The following SPECC1 variants were observed in gnomAD, a reference collection of about 807,000 sequenced individuals.
SPECC1 encodes the protein sperm antigen with calponin homology and coiled-coil domains 1, also known as cytospin-B.
SPECC1 carries 62 observed loss-of-function variants against 104.1 expected under a neutral mutation model. That is an observed-to-expected ratio of 0.60 (90% CI 0.49 to 0.74). SPECC1 has a LOEUF of 0.74. Ranked by LOEUF, SPECC1 falls within the 30% of genes least tolerant of loss-of-function variation. SPECC1 has a pLI of 0.00. For missense variants in SPECC1, 1,306 were observed against 1,310.5 expected (o/e 1.00, Z 0.05); for synonymous variants, 513 against 501.6 (o/e 1.02, Z -0.30).
At chr17:20,262,095 G>A (rs1303281806) in intron 12 of SPECC1, among the ~76,000 whole-genome samples, 2 of 152,066 alleles carry the variant, frequency 1.3e-5, no homozygotes, top group Admixed American at 6.5e-5. Context: ...TTTTTTACAC[G>A]GTATTGAGTC....
chr17:20,129,191 G>GTT (rs534899612), intron 3 of SPECC1, among the ~76,000 whole-genome samples: 3 of 126,860 alleles, frequency 2.4e-5, no homozygotes, highest in East Asian at 2.4e-4. Flanking sequence ...GTTTTTTTTT[G>GTT]TTTTTTTTTT....
intron 1 of SPECC1, among the ~76,000 whole-genome samples, chr17:20,030,191 TA>T (rs1285369357): frequency 6.6e-6 from 1 of 151,584 alleles, no homozygotes; most frequent in Non-Finnish European, 1.5e-5. Context: ...TTATTTTATT[TA>T]TTTTTTTACT....
rs559355436 is a variant in SPECC1 at position 20,143,385 on chromosome 17, C to CAAA, written c.283+32837_283+32839dup. 7.9e-3 allele frequency among the ~76,000 whole-genome samples: 838 copies of CAAA among 106,354 alleles called. 9 individuals are homozygous for CAAA. The highest frequency in any genetic ancestry group is 0.027 in the African/African-American group (789 of 29,036). The allele number at this position is 106,354 out of a possible 152,430, so 69.8% of individuals were successfully genotyped here. On this transcript the variant is annotated intron_variant, in intron 3 of 14. Transcript: ENST00000395527. ...TGGGTAACAGAGCAAGATCAAGTTT[C>CAAA]AAAAAAAAAAAAAAAAGTCCGAGCG...
At chr17:20,261,614 C>T (rs2040029632) in intron 12 of SPECC1, among the ~76,000 whole-genome samples, 1 of 151,814 alleles carries the variant, frequency 6.6e-6, no homozygotes, top group Admixed American at 6.6e-5. Flanking sequence ...TTGCCTAATT[C>T]GCATAAAGGT....
chr17:20,121,269 A>C (rs4925087), intron 3 of SPECC1, among the ~76,000 whole-genome samples: 86,036 of 151,990 alleles, frequency 0.57, 24,936 homozygotes, highest in Middle Eastern at 0.62. Context: ...CGTGCCCACC[A>C]CAGGTTTCCA....
At chr17:20,188,227 T>C (rs2035408724) in intron 3 of SPECC1, among the ~76,000 whole-genome samples, 1 of 151,488 alleles carries the variant, frequency 6.6e-6, no homozygotes, top group Admixed American at 6.6e-5. Context: ...TAACGTGATT[T>C]TGTATTTCCT....
intron 1 of SPECC1, chr17:20,056,586 T>C: frequency 4.8e-6 from 1 of 207,098 alleles, no homozygotes; most frequent in South Asian, 9.7e-5. Flanking sequence ...TCCCAATAAA[T>C]AGAGTAAGTT....
intron 12 of SPECC1, among the ~76,000 whole-genome samples, chr17:20,268,710 A>ATTT (rs1385386478): frequency 2.6e-5 from 4 of 152,302 alleles, no homozygotes; most frequent in African/African-American, 9.6e-5. Context: ...TTTCAGTGGC[A>ATTT]CAGGTGTTGT....
At chr17:20,118,328 A>G (rs2048865443) in intron 3 of SPECC1, among the ~76,000 whole-genome samples, 1 of 152,204 alleles carries the variant, frequency 6.6e-6, no homozygotes, top group Admixed American at 6.5e-5. Flanking sequence ...CTTAACGGTT[A>G]CTGATATTCT....
intron 2 of SPECC1, among the ~76,000 whole-genome samples, chr17:20,106,643 A>G (rs2048211495): frequency 6.6e-6 from 1 of 152,108 alleles, no homozygotes; most frequent in Non-Finnish European, 1.5e-5. Context: ...TCCCCTGCAC[A>G]TGCTCTCTCT....
chr17:20,170,678 T>G (rs1315637029), intron 3 of SPECC1, among the ~76,000 whole-genome samples: 1 of 152,006 alleles, frequency 6.6e-6, no homozygotes, highest in African/African-American at 2.4e-5. Flanking sequence ...TCTCTGTTAT[T>G]TTTCCTTTTT....
chr17:20,016,217 CAAAAAAAA>C (rs71157853), intron 1 of SPECC1, among the ~76,000 whole-genome samples: 2 of 104,050 alleles, frequency 1.9e-5, no homozygotes, highest in African/African-American at 6.8e-5. Context: ...GACTCCATCT[CAAAAAAAA>C]AAAAAAAAAA....
At chr17:20,161,785 T>C (rs2033176123) in intron 3 of SPECC1, among the ~76,000 whole-genome samples, 1 of 149,040 alleles carries the variant, frequency 6.7e-6, no homozygotes, top group Non-Finnish European at 1.5e-5. Flanking sequence ...TTCTGTCACT[T>C]CTTTTTTTCT....
chr17:20,055,524 C>G (rs1021666689), intron 1 of SPECC1, among the ~76,000 whole-genome samples: 2 of 152,190 alleles, frequency 1.3e-5, no homozygotes, highest in Non-Finnish European at 2.9e-5. Context: ...AATGTGCGTT[C>G]TGTTCATTTT....
rs558625330 is a variant in SPECC1 at position 20,156,080 on chromosome 17, T to C, written c.283+45518T>C. On this transcript the variant is annotated intron_variant, in intron 3 of 14. Coordinates refer to ENST00000395527, the MANE Select transcript of SPECC1 (RefSeq NM_001243439.2). Reference sequence around the variant, plus strand: ...ACTGGAAGGCGCCCGGTCCTTTCTTTGACTGGAGCGGACCCGCCGGACGCA... The same window carrying C: ...ACTGGAAGGCGCCCGGTCCTTTCTTCGACTGGAGCGGACCCGCCGGACGCA... The C allele has an allele frequency of 1.5e-4, 200 of 1,325,952 alleles. No homozygotes were observed. In the Admixed American group the frequency reaches 5.2e-3, roughly 34 times the overall value. The allele number at this position is 1,325,952 out of a possible 1,614,324, so 82.1% of individuals were successfully genotyped here.
Position 20,034,586 on chromosome 17 carries a change from CAA to C in SPECC1, c.-22+25164_-22+25165del, listed in dbSNP as rs549684535. On this transcript the variant is annotated intron_variant, in intron 1 of 14. Coordinates refer to ENST00000395527, the MANE Select transcript of SPECC1 (RefSeq NM_001243439.2). ...GAATTCTTTACCTCGCCTTACATCC[CAA>C]AGATTTTCTATTTTTCCTTTTTTTT... Among the ~76,000 whole-genome samples, 27 of 149,266 alleles carry C rather than the reference CAA, an allele frequency of 1.8e-4. 1 individual carries two copies. In the East Asian group the frequency reaches 5.1e-3, roughly 28 times the overall value.
chr17:20,184,960 C>G (rs2035160266), intron 3 of SPECC1: 1 of 152,210 alleles, frequency 6.6e-6, no homozygotes. Flanking sequence ...TGAGAAAGTG[C>G]GAAGCACAGA....
chr17:20,302,700 G>A (rs1248976399), intron 13 of SPECC1, among the ~76,000 whole-genome samples: 1 of 146,992 alleles, frequency 6.8e-6, no homozygotes, highest in African/African-American at 2.5e-5. Context: ...ACCACGTCTT[G>A]CTCCGCTTGT....
chr17:20,216,473 G>C (rs2037495720), intron 4 of SPECC1, among the ~76,000 whole-genome samples: 1 of 152,134 alleles, frequency 6.6e-6, no homozygotes, highest in African/African-American at 2.4e-5. Context: ...GAGTTTGGGG[G>C]TCCTGAGACT....
Sources: gnomAD v4.1 joint callset for allele counts (sites outside exome capture counted in the v4.1 genomes callset) on GRCh38, gnomAD v4.1.1 for gene constraint, MANE v1.5 for transcripts, NCBI Gene and HGNC (gene_info 2026-07-23, HGNC 2026-07-21) for gene names.